RARB: variants seen among roughly 807,000 people sequenced by gnomAD.
The protein encoded by RARB is retinoic acid receptor beta, also known as HBV-activated protein.
A neutral mutation model predicts 51.9 loss-of-function variants in RARB; 17 were observed. The observed-to-expected ratio is 0.33, with a 90% CI of 0.22 to 0.49. The LOEUF is 0.49. RARB is among the 20% of genes least tolerant of loss of function. RARB has a pLI of 0.99. For missense variants in RARB, 369 were observed against 550.8 expected (o/e 0.67, Z 3.30); for synonymous variants, 215 against 195.4 (o/e 1.10, Z -0.84).
intron 1 of RARB, among the ~76,000 whole-genome samples, chr3:24,838,143 A>G (rs530857844): frequency 6.6e-6 from 1 of 152,156 alleles, no homozygotes; most frequent in Non-Finnish European, 1.5e-5. Context: ...TTTTAGAGCC[A>G]TTCTTTGGCT....
At chr3:25,186,941 T>C (rs867139642) in intron 5 of RARB, among the ~76,000 whole-genome samples, 3 of 56,328 alleles carry the variant, frequency 5.3e-5, no homozygotes, top group Non-Finnish European at 1.2e-4. Flanking sequence ...GTGTGTGTGT[T>C]TTCCTGCTAA....
intron 3 of RARB, among the ~76,000 whole-genome samples, chr3:25,113,143 G>C (rs1699631055): frequency 6.6e-6 from 1 of 151,994 alleles, no homozygotes; most frequent in South Asian, 2.1e-4. Flanking sequence ...ATTTCTCACT[G>C]ATCATTTCCT....
chr3:25,539,699 G>C (rs1699296779), intron 3 of RARB, among the ~76,000 whole-genome samples: 1 of 151,140 alleles, frequency 6.6e-6, no homozygotes, highest in African/African-American at 2.4e-5. Context: ...GTATTCCAGA[G>C]GTGGTCTGTC....
intron 1 of RARB, among the ~76,000 whole-genome samples, chr3:25,433,850 CTTT>C (rs1708309118): frequency 6.6e-6 from 1 of 152,182 alleles, no homozygotes; most frequent in South Asian, 2.1e-4. Flanking sequence ...CCCCAAACCC[CTTT>C]AAATGAATGA....
intron 5 of RARB, among the ~76,000 whole-genome samples, chr3:25,331,846 A>G (rs967667381): frequency 6.6e-6 from 1 of 152,220 alleles, no homozygotes. Flanking sequence ...AGGGGATATC[A>G]CCACCGATCC....
intron 2 of RARB, among the ~76,000 whole-genome samples, chr3:24,883,385 T>A (rs1271211072): frequency 2.1e-5 from 3 of 145,550 alleles, no homozygotes; most frequent in African/African-American, 7.9e-5. Flanking sequence ...TGTGTGTGTG[T>A]GTGTGTGTGT....
At chr3:25,576,107 G>A (rs1040541314) in intron 4 of RARB, among the ~76,000 whole-genome samples, 8 of 150,662 alleles carry the variant, frequency 5.3e-5, no homozygotes, top group African/African-American at 1.2e-4. Flanking sequence ...GCATGAACAC[G>A]GCACAGGGTT....
At chr3:25,190,257 T>C (rs1575206988) in intron 5 of RARB, among the ~76,000 whole-genome samples, 1 of 152,014 alleles carries the variant, frequency 6.6e-6, no homozygotes, top group African/African-American at 2.4e-5. Flanking sequence ...AGTCAATGAG[T>C]GTACTCACAT....
intron 2 of RARB, among the ~76,000 whole-genome samples, chr3:24,863,366 AT>A: frequency 6.6e-6 from 1 of 152,320 alleles, no homozygotes; most frequent in Admixed American, 6.5e-5. Context: ...TAAAACGCTG[AT>A]AGTTAAACAG....
intron 5 of RARB, among the ~76,000 whole-genome samples, chr3:25,414,320 C>G (rs1707645095): frequency 6.6e-6 from 1 of 152,098 alleles, no homozygotes; most frequent in Non-Finnish European, 1.5e-5. Flanking sequence ...ACCAATTCAC[C>G]TATTGATGGA....
At chr3:25,263,871 G>T (rs578038580) in intron 5 of RARB, among the ~76,000 whole-genome samples, 1 of 152,146 alleles carries the variant, frequency 6.6e-6, no homozygotes, top group Admixed American at 6.5e-5. Flanking sequence ...AACAAATTCT[G>T]TGTCTTCTCA....
At chr3:25,585,433 G>A (rs991099010) in intron 5 of RARB, among the ~76,000 whole-genome samples, 6 of 152,184 alleles carry the variant, frequency 3.9e-5, no homozygotes, top group African/African-American at 7.2e-5. Flanking sequence ...ACAAATTTTC[G>A]GATGAGAAAA....
intron 5 of RARB, among the ~76,000 whole-genome samples, chr3:25,189,962 T>G (rs577446310): frequency 6.6e-6 from 1 of 152,176 alleles, no homozygotes; most frequent in South Asian, 2.1e-4. Flanking sequence ...TCACCTTTCC[T>G]TTTTATGTGC....
Position 25,210,529 on chromosome 3 carries a change from C to CTTTTTTTTTTTTTTTTTTTTTTTGTTTTT in RARB, c.178+35977_178+35978insGTTTTTTTTTTTTTTTTTTTTTTTTTTTT, listed in dbSNP as rs1701668589. On this transcript the variant is annotated intron_variant, in intron 5 of 11. Transcript: ENST00000383772. ...GAAAGCCTGAAATCTTTATCTGATT[C>CTTTTTTTTTTTTTTTTTTTTTTTGTTTTT]TTTTTTTTTTTTTTTTTTTTTTTTG... Among the ~76,000 whole-genome samples the CTTTTTTTTTTTTTTTTTTTTTTTGTTTTT allele has an allele frequency of 7.2e-5, 2 of 27,618 alleles. 1 individual carries two copies. The allele number at this position is 27,618 out of a possible 152,430, so 18.1% of individuals were successfully genotyped here. A position where few individuals can be genotyped will look rare whatever the true frequency, so the allele number is the denominator to read the frequency against.
chr3:25,192,389 T>C (rs985253948), intron 5 of RARB, among the ~76,000 whole-genome samples: 1 of 152,082 alleles, frequency 6.6e-6, no homozygotes, highest in Admixed American at 6.6e-5. Flanking sequence ...TCCTCCCTGA[T>C]GAATGGAAGG....
At chr3:25,127,931 T>G (rs145021907) in intron 3 of RARB, among the ~76,000 whole-genome samples, 27 of 152,220 alleles carry the variant, frequency 1.8e-4, no homozygotes, top group African/African-American at 6.0e-4. Context: ...AAGCCACCAT[T>G]TGGGTACATG....
chr3:25,163,539 T>TATATATATATA (rs1700510431), intron 4 of RARB, among the ~76,000 whole-genome samples: 1 of 120,568 alleles, frequency 8.3e-6, no homozygotes, highest in Non-Finnish European at 1.8e-5. Flanking sequence ...ATATATATAT[T>TATATATATATA]TGTTTATTTG....
intron 1 of RARB, among the ~76,000 whole-genome samples, chr3:25,456,678 TATATAGAG>T (rs1240157933): frequency 0.035 from 3,860 of 109,932 alleles, 45 homozygotes; most frequent in African/African-American, 0.042. Context: ...TATATATATA[TATATAGAG>T]AGAGAGAGAG....
At chr3:25,070,986 A>G (rs561250168) in intron 3 of RARB, among the ~76,000 whole-genome samples, 12 of 152,360 alleles carry the variant, frequency 7.9e-5, no homozygotes, top group African/African-American at 2.6e-4. Context: ...GGGATGCAGC[A>G]TTGACATTTA....
Sources: allele counts gnomAD v4.1 joint callset (sites outside exome capture counted in the v4.1 genomes callset), GRCh38; gene constraint gnomAD v4.1.1; transcripts MANE v1.5; gene names NCBI Gene and HGNC (gene_info 2026-07-23, HGNC 2026-07-21).